Variants in KIF26B observed in about 807,000 individuals in gnomAD.
KIF26B encodes kinesin family member 26B.
KIF26B carries 63 observed loss-of-function variants against 151.2 expected under a neutral mutation model. The observed-to-expected ratio is 0.42, with a 90% confidence interval of 0.34 to 0.51. The LOEUF (loss-of-function observed/expected upper bound fraction) is 0.51, where lower values mean the gene tolerates loss of function less well. Ranked by LOEUF, KIF26B falls within the 20% of genes least tolerant of loss-of-function variation. KIF26B has a pLI of 0.07. For missense variants in KIF26B, 2,813 were observed against 2,913.6 expected (o/e 0.97, Z 0.79); for synonymous variants, 1,357 against 1,262.1 (o/e 1.08, Z -1.59).
Position 245,688,641 on chromosome 1 carries a change from G to A in KIF26B, c.5658G>A (p.Thr1886=), listed in dbSNP as rs747326031. Residue 1886 remains threonine, a synonymous_variant, in exon 12 of 15, where the codon ACG becomes ACA. Transcript: ENST00000407071. ...SGELPPAMGK[T]ALFYHSGGSS... ...AGCTCCCGCCGGCCATGGGGAAGACGGCCCTGTTCTACCACAGCGGCGGCA... is the reference window on the plus strand; with the variant it reads ...AGCTCCCGCCGGCCATGGGGAAGACAGCCCTGTTCTACCACAGCGGCGGCA... The A allele has an allele frequency of 1.9e-6, 3 of 1,602,660 alleles. No individual in the cohort carries two copies. Among genetic ancestry groups the A allele is most frequent in the Non-Finnish European group, 2.6e-6 (3 of 1,176,036 alleles).
chr1:245,641,517 CCTT>C (rs201154495), intron 9 of KIF26B, among the ~76,000 whole-genome samples: 2,712 of 151,442 alleles, frequency 0.018, 65 homozygotes, highest in African/African-American at 0.054. Context: ...TTTGTTCATT[CCTT>C]CTTATTCTTT....
chr1:245,304,726 C>T (rs1048523504), intron 2 of KIF26B, among the ~76,000 whole-genome samples: 4 of 152,064 alleles, frequency 2.6e-5, no homozygotes, highest in African/African-American at 4.8e-5. Flanking sequence ...TCCATCCATC[C>T]GTCTACCTAC....
intron 4 of KIF26B, among the ~76,000 whole-genome samples, chr1:245,524,278 T>C (rs1408503823): frequency 3.3e-5 from 5 of 152,230 alleles, no homozygotes; most frequent in Non-Finnish European, 7.3e-5. Context: ...ACGCCCTTTA[T>C]TCTCACAACA....
intron 2 of KIF26B, among the ~76,000 whole-genome samples, chr1:245,184,674 A>T (rs1308929652): frequency 6.6e-6 from 1 of 152,240 alleles, no homozygotes; most frequent in African/African-American, 2.4e-5. Flanking sequence ...AAAATAATCT[A>T]GCCATTGTTA....
chr1:245,169,337 GTGTGT>G (rs1558331917), intron 2 of KIF26B, among the ~76,000 whole-genome samples: 9 of 151,592 alleles, frequency 5.9e-5, no homozygotes, highest in Non-Finnish European at 1.3e-4. Context: ...TGGTGTGTGT[GTGTGT>G]GTGTGTGTGT....
chr1:245,202,448 A>G (rs750093305), intron 2 of KIF26B, among the ~76,000 whole-genome samples: 1 of 152,114 alleles, frequency 6.6e-6, no homozygotes, highest in Non-Finnish European at 1.5e-5. Flanking sequence ...TCTGAACCTC[A>G]GTTTCTCTGT....
intron 5 of KIF26B, among the ~76,000 whole-genome samples, chr1:245,561,911 C>T (rs1060790): frequency 0.058 from 8,854 of 152,284 alleles, 363 homozygotes; most frequent in African/African-American, 0.11. Context: ...CCTGCCTCTT[C>T]TCAGTCTCCA....
At chr1:245,478,496 C>T (rs1287928257) in intron 4 of KIF26B, among the ~76,000 whole-genome samples, 2 of 145,212 alleles carry the variant, frequency 1.4e-5, no homozygotes, top group African/African-American at 5.1e-5. Flanking sequence ...GGCGCGATCT[C>T]GGCTCACTGC....
chr1:245,570,476 A>T (rs1399235552), intron 5 of KIF26B, among the ~76,000 whole-genome samples: 2 of 152,122 alleles, frequency 1.3e-5, no homozygotes, highest in African/African-American at 4.8e-5. Context: ...TTTTTCCATT[A>T]CCTTCCACAT....
chr1:245,629,136 T>C (rs574827746), intron 9 of KIF26B, among the ~76,000 whole-genome samples: 1 of 152,322 alleles, frequency 6.6e-6, no homozygotes, highest in South Asian at 2.1e-4. Flanking sequence ...TCCTCATGGA[T>C]AGGAAGAATC....
At chr1:245,630,854 G>A (rs189694720) in intron 9 of KIF26B, among the ~76,000 whole-genome samples, 28 of 151,916 alleles carry the variant, frequency 1.8e-4, no homozygotes, top group Admixed American at 1.4e-3. Flanking sequence ...TGAAGTTTTT[G>A]TTATAGAGGT....
intron 2 of KIF26B, among the ~76,000 whole-genome samples, chr1:245,325,974 A>G (rs1234306496): frequency 6.6e-6 from 1 of 152,100 alleles, no homozygotes; most frequent in Admixed American, 6.5e-5. Flanking sequence ...TACGAGGGAG[A>G]CAATGGGGAA....
chr1:245,439,791 T>G (rs1050228493), intron 4 of KIF26B, among the ~76,000 whole-genome samples: 4 of 152,206 alleles, frequency 2.6e-5, no homozygotes, highest in Admixed American at 1.3e-4. Context: ...TGCCAGAAGA[T>G]TCAGCCTAAG....
In KIF26B at chr1:245,290,288, C is replaced by T. The variant is rs77476556; in HGVS notation, c.466-76546C>T. Reference sequence around the variant, plus strand: ...ACCTACTGTCACTGGAAAGGAGTTCCGATCCAGACTCCATGAGAGGGTTCT... The same window carrying T: ...ACCTACTGTCACTGGAAAGGAGTTCTGATCCAGACTCCATGAGAGGGTTCT... On this transcript the variant is annotated intron_variant, in intron 2 of 14. Coordinates refer to ENST00000407071, the MANE Select transcript of KIF26B (RefSeq NM_018012.4). Among the ~76,000 whole-genome samples, 268 of 152,230 alleles carry T rather than the reference C, an allele frequency of 1.8e-3. 1 individual carries two copies. The highest frequency in any genetic ancestry group is 0.016 in the East Asian group (84 of 5,176).
At chr1:245,654,328 A>G (rs957123264) in intron 10 of KIF26B, among the ~76,000 whole-genome samples, 3 of 152,124 alleles carry the variant, frequency 2.0e-5, no homozygotes, top group Non-Finnish European at 2.9e-5. Context: ...AGGGGGCAAA[A>G]AATAAAATTA....
At chr1:245,617,587 G>A (rs901158605) in intron 9 of KIF26B, among the ~76,000 whole-genome samples, 2 of 152,118 alleles carry the variant, frequency 1.3e-5, no homozygotes, top group African/African-American at 4.8e-5. Context: ...CCCCAGCAGC[G>A]AAGCCCTGTG....
intron 1 of KIF26B, 102 bp downstream of exon 1, chr1:245,155,589 CGCT>C: frequency 1.9e-6 from 2 of 1,064,248 alleles, no homozygotes; most frequent in East Asian, 2.9e-5. Flanking sequence ...AGCTCTCCCC[CGCT>C]GCAGAGGCGC....
At chr1:245,574,350 G>T (rs2043095440) in intron 5 of KIF26B, among the ~76,000 whole-genome samples, 2 of 152,132 alleles carry the variant, frequency 1.3e-5, no homozygotes, top group African/African-American at 2.4e-5. Flanking sequence ...CACCTTGTTG[G>T]CCAGACTGGT....
In KIF26B at chr1:245,156,389, G is replaced by A. The variant is rs533597039; in HGVS notation, c.171G>A (p.Glu57=). ...GCGCCGGCAGCCGGCCCACTCCTGAGGGCGCGGGCTCAGCGCTCGGCTCCT... is the reference window on the plus strand; with the variant it reads ...GCGCCGGCAGCCGGCCCACTCCTGAAGGCGCGGGCTCAGCGCTCGGCTCCT... The part of the protein sequence containing the change: ...ESRAGSRPTP[E]GAGSALGSSG... The change falls in exon 2 of 15, where the codon GAG becomes GAA. Residue 57 remains glutamate (E), a synonymous_variant. Transcript: ENST00000407071. 2.0e-3 allele frequency: 3,102 copies of A among 1,541,568 alleles called. 51 individuals carry two copies. The South Asian group carries it at 0.026, about 13-fold the overall frequency.
Sources: allele counts gnomAD v4.1 joint callset (sites outside exome capture counted in the v4.1 genomes callset), GRCh38; gene constraint gnomAD v4.1.1; transcripts MANE v1.5; gene names NCBI Gene and HGNC (gene_info 2026-07-23, HGNC 2026-07-21).